ZDHHC17: variants seen among roughly 807,000 people sequenced by gnomAD.
ZDHHC17 encodes zDHHC palmitoyltransferase 17.
Under a neutral mutation model 90.3 loss-of-function variants are expected in ZDHHC17, and 40 were observed. The ratio of observed to expected loss-of-function variants is 0.44; its 90% CI spans 0.34 to 0.58. ZDHHC17 has a LOEUF of 0.58. Among genes scored for constraint, ZDHHC17 ranks in the 20% least tolerant of loss-of-function variants. The pLI is 0.01. For synonymous variants in ZDHHC17, 235 were observed against 252.4 expected, an observed-to-expected ratio of 0.93 and a Z score of 0.65; for missense variants, 614 against 780.8, an observed-to-expected ratio of 0.79 and a Z score of 2.55.
chr12:76,805,716 C>T (rs1952947453), intron 3 of ZDHHC17, among the ~76,000 whole-genome samples: 1 of 152,068 alleles, frequency 6.6e-6, no homozygotes, highest in African/African-American at 2.4e-5. Context: ...TTGTTACTGT[C>T]CTACTGCTGG....
chr12:76,805,042 G>A (rs990845725), intron 2 of ZDHHC17, among the ~76,000 whole-genome samples: 1 of 151,990 alleles, frequency 6.6e-6, no homozygotes, highest in East Asian at 1.9e-4. Flanking sequence ...GGGATAAGTG[G>A]TAATAAAGCA....
At chr12:76,844,083 C>T (rs926019660) in intron 12 of ZDHHC17, 9 of 152,080 alleles carry the variant, frequency 5.9e-5, no homozygotes, top group Admixed American at 4.6e-4. Flanking sequence ...TGTTTTAATA[C>T]ACTGCTGTTC....
intron 2 of ZDHHC17, among the ~76,000 whole-genome samples, chr12:76,800,667 C>T (rs1352611543): frequency 1.3e-5 from 2 of 152,120 alleles, no homozygotes; most frequent in East Asian, 1.9e-4. Flanking sequence ...GCCACTCTTG[C>T]TCTCCTCTGG....
intron 5 of ZDHHC17, chr12:76,813,498 TGTA>T (rs1254604447): frequency 9.7e-6 from 3 of 308,376 alleles, no homozygotes; most frequent in African/African-American, 2.3e-5. Context: ...ACTTATCTAA[TGTA>T]GTGGTTCTCA....
intron 12 of ZDHHC17, chr12:76,844,348 G>T (rs1459689019): frequency 2.0e-5 from 3 of 152,032 alleles, no homozygotes; most frequent in Admixed American, 6.5e-5. Context: ...CATTATATGG[G>T]TATGCTTCAC....
At chr12:76,818,397 G>C (rs1410367325) in intron 7 of ZDHHC17, among the ~76,000 whole-genome samples, 1 of 152,116 alleles carries the variant, frequency 6.6e-6, no homozygotes, top group Non-Finnish European at 1.5e-5. Flanking sequence ...AATGGTGGGT[G>C]GTGGGGAGTC....
intron 5 of ZDHHC17, chr12:76,813,378 C>A (rs1179775432): frequency 2.2e-6 from 1 of 450,718 alleles, no homozygotes; most frequent in Non-Finnish European, 4.5e-6. Context: ...ATATTCCTGA[C>A]AACACTATTA....
At chr12:76,791,991 A>T (rs998519978) in intron 1 of ZDHHC17, among the ~76,000 whole-genome samples, 4 of 152,180 alleles carry the variant, frequency 2.6e-5, no homozygotes, top group Non-Finnish European at 4.4e-5. Flanking sequence ...CCCTCTCAGA[A>T]CCTTAATGTC....
At chr12:76,776,308 AT>A (rs1952559598) in intron 1 of ZDHHC17, among the ~76,000 whole-genome samples, 1 of 152,186 alleles carries the variant, frequency 6.6e-6, no homozygotes, top group Non-Finnish European at 1.5e-5. Context: ...ACACATGATT[AT>A]TGTAAAAAAT....
At chr12:76,774,259 A>AAT (rs1258535556) in intron 1 of ZDHHC17, among the ~76,000 whole-genome samples, 2 of 84,842 alleles carry the variant, frequency 2.4e-5, no homozygotes, top group African/African-American at 8.4e-5. Context: ...CAAAATAAAG[A>AAT]ATGTGTGTGT....
rs368671808 is a variant in ZDHHC17, at chr12:76,850,836, G to A, written c.1761-11G>A. The stretch of plus-strand genomic sequence containing the variant: ...GACTGACGTGTTTTCTTTTTGGGGT[G>A]CTGTTTTTAGCCATGGATGTGTAAG... On this transcript the variant is annotated splice_polypyrimidine_tract_variant and intron_variant, in intron 16 of 16. Transcript: ENST00000426126. 2 of 1,610,374 alleles carry A rather than the reference G, an allele frequency of 1.2e-6. No individual in the cohort carries two copies. The highest frequency in any genetic ancestry group is 1.7e-6 in the Non-Finnish European group (2 of 1,178,730).
At chr12:76,830,406 G>A (rs948692784) in intron 10 of ZDHHC17, among the ~76,000 whole-genome samples, 2 of 152,058 alleles carry the variant, frequency 1.3e-5, no homozygotes, top group Admixed American at 1.3e-4. Context: ...TATTTTTACT[G>A]CATTATGTAA....
intron 8 of ZDHHC17, 93 bp downstream of exon 8, chr12:76,822,624 GGCTCACT>G: frequency 1.0e-6 from 1 of 988,316 alleles, no homozygotes; most frequent in South Asian, 1.5e-5. Context: ...GCGAGATTTT[GGCTCACT>G]GCAATCCCTG....
chr12:76,821,714 C>CA (rs1375848972), intron 7 of ZDHHC17, among the ~76,000 whole-genome samples: 1 of 151,986 alleles, frequency 6.6e-6, no homozygotes, highest in Non-Finnish European at 1.5e-5. Context: ...TTAGTTAAGG[C>CA]AAAAAGAAGC....
intron 1 of ZDHHC17, among the ~76,000 whole-genome samples, chr12:76,775,749 T>C (rs565995419): frequency 6.6e-6 from 1 of 152,328 alleles, no homozygotes; most frequent in South Asian, 2.1e-4. Context: ...GCTGTTGTTT[T>C]ATAATCTTTA....
At position 76,851,050 on chromosome 12, in the gene ZDHHC17, T is replaced by C; in HGVS notation, c.*65T>C. 2 of 1,597,290 alleles carry C rather than the reference T, an allele frequency of 1.3e-6. No homozygotes were observed. Among genetic ancestry groups the C allele is most frequent in the Non-Finnish European group, 1.7e-6 (2 of 1,169,930 alleles). On this transcript the variant is annotated 3_prime_UTR_variant, in exon 17 of 17. Coordinates refer to ENST00000426126, the MANE Select transcript of ZDHHC17 (RefSeq NM_015336.4). ...TGAAAATTGTGTCTGTCCGTGTCTT[T>C]CTCACACTCGAATCCACATCCTTTG...
At chr12:76,786,071 G>A (rs368585102) in intron 1 of ZDHHC17, among the ~76,000 whole-genome samples, 3 of 151,874 alleles carry the variant, frequency 2.0e-5, no homozygotes, top group East Asian at 3.9e-4. Flanking sequence ...GAAGCTGTGG[G>A]ATAAAGAATC....
intron 1 of ZDHHC17, among the ~76,000 whole-genome samples, chr12:76,766,959 C>T (rs1952438068): frequency 6.8e-6 from 1 of 147,686 alleles, no homozygotes; most frequent in African/African-American, 2.5e-5. Flanking sequence ...GTTGAGGCTG[C>T]AGTGAGCCAT....
intron 2 of ZDHHC17, among the ~76,000 whole-genome samples, chr12:76,798,589 G>A (rs771231669): frequency 1.9e-4 from 29 of 151,966 alleles, no homozygotes; most frequent in Admixed American, 9.8e-4. Flanking sequence ...GTATTACTCC[G>A]TTCTCTCACT....
Sources: gnomAD v4.1 joint callset for allele counts (sites outside exome capture counted in the v4.1 genomes callset) on GRCh38, gnomAD v4.1.1 for gene constraint, MANE v1.5 for transcripts, NCBI Gene and HGNC (gene_info 2026-07-23, HGNC 2026-07-21) for gene names.